SAMD3: variants seen among roughly 807,000 people sequenced by gnomAD.
The protein encoded by SAMD3 is sterile alpha motif domain containing 3, also known as sterile alpha motif domain-containing protein 3.
A neutral mutation model predicts 58.5 loss-of-function variants in SAMD3; 63 were observed. That is an observed-to-expected ratio of 1.08 (90% CI 0.88 to 1.33). The LOEUF (loss-of-function observed/expected upper bound fraction) is 1.33. Among genes scored for constraint, SAMD3 ranks in the 40% most tolerant of loss-of-function variants. The pLI, the probability that SAMD3 is intolerant of heterozygous loss-of-function variation, is 0.00. For synonymous variants in SAMD3, 220 were observed against 210.3 expected (o/e 1.05, Z -0.40); for missense variants, 604 against 608.4 (o/e 0.99, Z 0.08).
chr6:130,195,352 G>A (rs767558393), intron 5 of SAMD3, among the ~76,000 whole-genome samples: 2 of 151,692 alleles, frequency 1.3e-5, no homozygotes, highest in Non-Finnish European at 2.9e-5. Context: ...GCACGCTTTG[G>A]GCATTAAAGC....
At chr6:130,269,494 C>A (rs185019420) in intron 2 of SAMD3, among the ~76,000 whole-genome samples, 1 of 151,938 alleles carries the variant, frequency 6.6e-6, no homozygotes, top group African/African-American at 2.4e-5. Flanking sequence ...GTTGAATTTA[C>A]GAACATAAAG....
In SAMD3 at chr6:130,144,492, A is replaced by G. The variant is rs945462628; in HGVS notation, c.*28T>C. The G allele has an allele frequency of 3.8e-6, 6 of 1,596,402 alleles. No individual in the cohort carries two copies. The African/African-American group carries it at 6.7e-5, about 18-fold the overall frequency. On this transcript the variant is annotated 3_prime_UTR_variant, in exon 12 of 12. Coordinates refer to ENST00000439090, the MANE Select transcript of SAMD3 (RefSeq NM_001017373.4). Reference sequence around the variant, plus strand: ...ATGAAGCTTCAGTTTTCCCAGAGGTAAATTCCAGTACAATATTTGGCATGC... The same window carrying G: ...ATGAAGCTTCAGTTTTCCCAGAGGTGAATTCCAGTACAATATTTGGCATGC...
chr6:130,293,615 T>C (rs1346285706), intron 2 of SAMD3, among the ~76,000 whole-genome samples: 1 of 111,874 alleles, frequency 8.9e-6, no homozygotes, highest in African/African-American at 2.9e-5. Context: ...CAGTGATGCT[T>C]CCACAGTTTC....
chr6:130,360,301 G>A (rs1163864883), intron 1 of SAMD3, among the ~76,000 whole-genome samples: 3 of 152,316 alleles, frequency 2.0e-5, no homozygotes, highest in Non-Finnish European at 4.4e-5. Context: ...AAGTATCGGG[G>A]AACCTGCCCC....
chr6:130,272,512 G>A (rs1774601009), intron 2 of SAMD3, among the ~76,000 whole-genome samples: 1 of 152,160 alleles, frequency 6.6e-6, no homozygotes, highest in Non-Finnish European at 1.5e-5. Flanking sequence ...TATAAACAAT[G>A]AGGAAATAAT....
intron 1 of SAMD3, among the ~76,000 whole-genome samples, chr6:130,318,418 A>C (rs1445793183): frequency 6.6e-6 from 1 of 150,728 alleles, no homozygotes; most frequent in Non-Finnish European, 1.5e-5. Context: ...ACATCTAATA[A>C]AAAAATTTTT....
intron 2 of SAMD3, among the ~76,000 whole-genome samples, chr6:130,247,928 C>T (rs759638909): frequency 1.3e-4 from 20 of 152,078 alleles, no homozygotes; most frequent in African/African-American, 3.9e-4. Flanking sequence ...TTTCTGCTTG[C>T]GTCTTCTGTT....
intron 2 of SAMD3, among the ~76,000 whole-genome samples, chr6:130,284,925 C>T (rs907887188): frequency 2.0e-5 from 3 of 152,162 alleles, no homozygotes; most frequent in African/African-American, 7.2e-5. Context: ...GAGATAAATG[C>T]TTGTTCCATA....
At chr6:130,264,972 AG>A (rs1774286947) in intron 2 of SAMD3, among the ~76,000 whole-genome samples, 1 of 152,214 alleles carries the variant, frequency 6.6e-6, no homozygotes, top group Admixed American at 6.5e-5. Context: ...CCCATGTCTA[AG>A]GGCCCTGGCA....
In SAMD3 at chr6:130,214,508, G is replaced by T; in HGVS notation, c.98C>A (p.Ala33Asp). The change falls in exon 4 of 12, where the codon GCC (alanine) becomes GAC (aspartate). Residue 33 changes from alanine to aspartate, a missense_variant. Coordinates refer to ENST00000439090, the MANE Select transcript of SAMD3 (RefSeq NM_001017373.4). ...HRFQEEEVSG[A>D]ALLALNDRMV... The stretch of plus-strand genomic sequence containing the variant: ...CCGATCATTAAGTGCAAGAAGAGCG[G>T]CCCCACTTACTTCTTCCTCTGGGAA... The T allele has an allele frequency of 1.3e-6, 2 of 1,590,172 alleles. No individual in the cohort carries two copies. Among genetic ancestry groups the T allele is most frequent in the Non-Finnish European group, 1.7e-6 (2 of 1,170,078 alleles).
At chr6:130,266,577 A>G (rs1774364869) in intron 2 of SAMD3, among the ~76,000 whole-genome samples, 1 of 152,256 alleles carries the variant, frequency 6.6e-6, no homozygotes, top group Middle Eastern at 3.4e-3. Flanking sequence ...AACCATACTA[A>G]AAAAAATCCA....
At chr6:130,326,908 T>A in intron 1 of SAMD3, among the ~76,000 whole-genome samples, 1 of 152,222 alleles carries the variant, frequency 6.6e-6, no homozygotes, top group East Asian at 1.9e-4. Flanking sequence ...GTGAATACCA[T>A]TTTTAACTGT....
intron 5 of SAMD3, among the ~76,000 whole-genome samples, chr6:130,186,397 G>T (rs9402220): frequency 0.21 from 31,891 of 152,010 alleles, 3,662 homozygotes; most frequent in East Asian, 0.41. Context: ...TTTATGATAA[G>T]CTCCCTTTCC....
chr6:130,318,710 TGAGC>T (rs1233706592), intron 1 of SAMD3, among the ~76,000 whole-genome samples: 1 of 152,208 alleles, frequency 6.6e-6, no homozygotes, highest in Non-Finnish European at 1.5e-5. Context: ...ATTACAGGCA[TGAGC>T]CACTGTGCCC....
chr6:130,183,523 C>A (rs1792610080), intron 7 of SAMD3: 2 of 399,554 alleles, frequency 5.0e-6, no homozygotes. Flanking sequence ...AGCTCCGAAG[C>A]AGGTGCAGCC....
chr6:130,232,621 T>C (rs1014788382), intron 2 of SAMD3, among the ~76,000 whole-genome samples: 2 of 152,140 alleles, frequency 1.3e-5, no homozygotes, highest in Admixed American at 1.3e-4. Flanking sequence ...ACATGTTGGT[T>C]TTCCTCCTTT....
rs138526266 is a variant in SAMD3, at chr6:130,264,198, G to A, written c.-187-41385C>T. On this transcript the variant is annotated intron_variant, in intron 2 of 13. Transcript: ENST00000368134. ...TAGGCTGCATGGTAGCTCTTTTCCC[G>A]TATTCTACAGCCTGGAGTAATAAGT... Among the ~76,000 whole-genome samples the A allele has an allele frequency of 5.4e-3, 828 of 152,252 alleles. 6 individuals are homozygous for A. The highest frequency in any genetic ancestry group is 0.019 in the African/African-American group (797 of 41,546).
intron 1 of SAMD3, among the ~76,000 whole-genome samples, chr6:130,325,489 T>A (rs1076980): frequency 0.019 from 2,897 of 152,256 alleles, 86 homozygotes; most frequent in African/African-American, 0.065. Flanking sequence ...CCACCCACAC[T>A]CGTGAGGGCC....
chr6:130,147,790 A>G (rs1161182838), intron 9 of SAMD3, among the ~76,000 whole-genome samples: 1 of 152,220 alleles, frequency 6.6e-6, no homozygotes, highest in Non-Finnish European at 1.5e-5. Context: ...ACGCCTCTCT[A>G]GTCTCCAGTC....
Sources: allele counts gnomAD v4.1 joint callset (sites outside exome capture counted in the v4.1 genomes callset), GRCh38; gene constraint gnomAD v4.1.1; transcripts MANE v1.5; gene names NCBI Gene and HGNC (gene_info 2026-07-23, HGNC 2026-07-21).